The following RRBP1 variants were observed in gnomAD, a reference collection of about 807,000 sequenced individuals.
The protein encoded by RRBP1 is ribosome binding protein 1.
In RRBP1, 94 loss-of-function variants were observed where a neutral mutation model predicts 165.2. The ratio of observed to expected loss-of-function variants is 0.57; its 90% CI spans 0.48 to 0.68. RRBP1 has a LOEUF of 0.68. Among genes scored for constraint, RRBP1 ranks in the 30% least tolerant of loss-of-function variants. The pLI, the probability that RRBP1 is intolerant of heterozygous loss-of-function variation, is 0.00. For synonymous variants in RRBP1, 680 were observed against 714.5 expected (o/e 0.95, Z 0.77); for missense variants, 1,676 against 1,763.0 (o/e 0.95, Z 0.88).
At chr20:17,639,749 C>T (rs1193315105) in intron 5 of RRBP1, among the ~76,000 whole-genome samples, 7 of 152,150 alleles carry the variant, frequency 4.6e-5, no homozygotes, top group South Asian at 4.2e-4. Context: ...CACAATTAGC[C>T]GGGTATGGTG....
In RRBP1 at chr20:17,621,723, C is replaced by T. The variant is rs1156831984; in HGVS notation, c.3291G>A (p.Leu1097=). 6.2e-6 allele frequency: 10 copies of T among 1,613,724 alleles called. No individual in the cohort carries two copies. The highest frequency in any genetic ancestry group is 8.5e-6 in the Non-Finnish European group (10 of 1,180,008). The change falls in exon 15 of 25, where the codon CTG becomes CTA. Residue 1097 remains leucine (L), a synonymous_variant. Coordinates refer to ENST00000377813, the MANE Select transcript of RRBP1 (RefSeq NM_001365613.2). ...GCTCCGCGGGAGCTGGCGGGTGCTT[C>T]AGCAGCGTGGGGCCTTTCTCTTTGA... ...QDLKEKGPTL[L]KHPPAPAEPS...
At chr20:17,628,405 G>C (rs1196909215) in intron 9 of RRBP1, among the ~76,000 whole-genome samples, 1 of 152,218 alleles carries the variant, frequency 6.6e-6, no homozygotes, top group Admixed American at 6.5e-5. Context: ...CTCTTCACTA[G>C]CACCTCTGCG....
At chr20:17,642,024 G>A (rs1254346984) in intron 4 of RRBP1, 105 bp from the exon 5 acceptor site, 1 of 1,274,848 alleles carries the variant, frequency 7.8e-7, no homozygotes, top group Non-Finnish European at 1.1e-6. Context: ...AAGTGGAGCA[G>A]GGGCTTCGAG....
chr20:17,614,716 G>T, intron 24 of RRBP1, 21 bp downstream of exon 24: 1 of 1,609,100 alleles, frequency 6.2e-7, no homozygotes, highest in East Asian at 2.2e-5. Flanking sequence ...CTCCCGCCCT[G>T]CTTTGGCGCC....
chr20:17,652,090 G>A (rs2036568995), intron 3 of RRBP1, among the ~76,000 whole-genome samples: 1 of 152,230 alleles, frequency 6.6e-6, no homozygotes, highest in Non-Finnish European at 1.5e-5. Flanking sequence ...AATCTGTCCT[G>A]TGCTATGGGC....
intron 24 of RRBP1, 34 bp downstream of exon 24, chr20:17,614,703 C>A: frequency 6.2e-7 from 1 of 1,605,810 alleles, no homozygotes; most frequent in Non-Finnish European, 8.5e-7. Flanking sequence ...GGCAGCTCGA[C>A]TCCTCCCGCC....
rs778779414 is a variant in RRBP1, at chr20:17,643,164, C to T, written c.1913-37G>A. ...GAGGGAAAGAGCTGAGACTTAGGCC[C>T]ATAAGCCACAACACACGTGGCCACA... On this transcript the variant is annotated intron_variant, in intron 3 of 24. Transcript: ENST00000377813. This position sits in a 1 kb window ranked among gnomAD's most constrained non-coding sequence, Gnocchi z 4.3. 6 of 1,604,498 alleles carry T rather than the reference C, an allele frequency of 3.7e-6. No individual in the cohort carries two copies. Among genetic ancestry groups the T allele is most frequent in the Non-Finnish European group, 5.1e-6 (6 of 1,176,084 alleles).
chr20:17,631,509 C>T (rs1166785416), intron 8 of RRBP1, among the ~76,000 whole-genome samples: 1 of 152,252 alleles, frequency 6.6e-6, no homozygotes, highest in Non-Finnish European at 1.5e-5. Flanking sequence ...CCTCAGGTGA[C>T]AACTGTCTTT....
At chr20:17,626,074 G>A (rs888459844) in intron 11 of RRBP1, among the ~76,000 whole-genome samples, 4 of 152,200 alleles carry the variant, frequency 2.6e-5, no homozygotes, top group African/African-American at 9.6e-5. Context: ...CCGAATTCTA[G>A]AATATCTGGG....
intron 2 of RRBP1, among the ~76,000 whole-genome samples, chr20:17,660,883 A>G (rs562400679): frequency 1.3e-5 from 2 of 152,332 alleles, no homozygotes; most frequent in East Asian, 3.9e-4. Flanking sequence ...AACACAGGCC[A>G]GGTGTGAGAC....
chr20:17,653,616 A>G (rs867652817), intron 3 of RRBP1, among the ~76,000 whole-genome samples: 51 of 152,188 alleles, frequency 3.4e-4, no homozygotes, highest in African/African-American at 1.0e-3. Flanking sequence ...CGGGTGGATC[A>G]CCTGAGGTCA....
chr20:17,675,586 C>G (rs958122012), intron 2 of RRBP1, among the ~76,000 whole-genome samples: 1 of 152,166 alleles, frequency 6.6e-6, no homozygotes, highest in Non-Finnish European at 1.5e-5. Flanking sequence ...TGACACTCCA[C>G]ACAGGGTAGC....
chr20:17,659,206 C>A lies in RRBP1; in HGVS notation c.1302G>T (p.Gly434=), dbSNP rs2036706016. 1 of 1,537,902 alleles carries A rather than the reference C, an allele frequency of 6.5e-7. No homozygotes were observed. Among genetic ancestry groups the A allele is most frequent in the African/African-American group, 1.4e-5 (1 of 72,090 alleles). The change falls in exon 3 of 25, where the codon GGG becomes GGT. Residue 434 remains glycine, a synonymous_variant. Coordinates refer to ENST00000377813, the MANE Select transcript of RRBP1 (RefSeq NM_001365613.2). The part of the protein sequence containing the change: ...GAQNQGKKAE[G]AQNQGKKAEG... ...CGGCCTTCTTGCCCTGGTTCTGGGC[C>A]CCCTCGGCCTTCTTGCCCTGGTTCT...
intron 8 of RRBP1, among the ~76,000 whole-genome samples, chr20:17,631,239 C>T (rs1303955454): frequency 1.3e-5 from 2 of 152,272 alleles, no homozygotes; most frequent in Non-Finnish European, 2.9e-5. Flanking sequence ...CCAACACCCT[C>T]ACACCTCTGC....
At chr20:17,661,696 A>T (rs1287612720) in intron 2 of RRBP1, among the ~76,000 whole-genome samples, 1 of 152,150 alleles carries the variant, frequency 6.6e-6, no homozygotes, top group Non-Finnish European at 1.5e-5. Context: ...GGGAGGTAAA[A>T]GGAGGTGGAA....
chr20:17,614,325 C>CAA, intron 24 of RRBP1, 105 bp from the exon 25 acceptor site: 1 of 1,021,478 alleles, frequency 9.8e-7, no homozygotes, highest in Non-Finnish European at 1.5e-6. Flanking sequence ...TTGACCCCCT[C>CAA]AAGCCACTCC....
At chr20:17,617,498 C>CGA (rs2035824246) in intron 20 of RRBP1, among the ~76,000 whole-genome samples, 1 of 152,248 alleles carries the variant, frequency 6.6e-6, no homozygotes, top group Non-Finnish European at 1.5e-5. Context: ...AGACATTCTT[C>CGA]CCTCCCTCTG....
At position 17,660,289 on chromosome 20, in the gene RRBP1, C is replaced by A. The variant is rs2036738742; in HGVS notation, c.219G>T (p.Lys73Asn). The A allele has an allele frequency of 6.2e-7, 1 of 1,606,364 alleles. No homozygotes were observed. The highest frequency in any genetic ancestry group is 1.1e-5 in the South Asian group (1 of 90,150). The change falls in exon 3 of 25, where the codon AAG becomes AAT. Residue 73 changes from lysine (K) to asparagine (N), a missense_variant. Coordinates refer to ENST00000377813, the MANE Select transcript of RRBP1 (RefSeq NM_001365613.2). ...EKTVEKKGKT[K>N]KKEEKPNGKI... ...TCCCATTAGGTTTCTCTTCCTTTTT[C>A]TTGGTCTTTCCTTTCTTCTCCACTG...
chr20:17,637,766 A>C (rs2036274766), intron 5 of RRBP1, among the ~76,000 whole-genome samples: 1 of 152,158 alleles, frequency 6.6e-6, no homozygotes, highest in Admixed American at 6.5e-5. Context: ...CCTTGGCCTC[A>C]CTTTTCAAAG....
Sources: gnomAD v4.1 joint callset for allele counts (sites outside exome capture counted in the v4.1 genomes callset) on GRCh38, gnomAD v4.1.1 for gene constraint, Gnocchi (gnomAD v3.1) non-coding constraint, MANE v1.5 for transcripts, NCBI Gene and HGNC (gene_info 2026-07-23, HGNC 2026-07-21) for gene names.